Variants in HNF4G observed in about 807,000 individuals in gnomAD.
HNF4G encodes hepatocyte nuclear factor 4-gamma.
In HNF4G, 21 loss-of-function variants were observed where a neutral mutation model predicts 50.9. The observed-to-expected ratio is 0.41, with a 90% confidence interval of 0.29 to 0.59. The LOEUF is 0.59. HNF4G is among the 20% of genes least tolerant of loss of function. The pLI is 0.26. For synonymous variants in HNF4G, 198 were observed against 185.6 expected, an observed-to-expected ratio of 1.07 and a Z score of -0.54; for missense variants, 527 against 559.4, an observed-to-expected ratio of 0.94 and a Z score of 0.58.
At chr8:75,437,527 G>A (rs1405151150) in intron 1 of HNF4G, among the ~76,000 whole-genome samples, 1 of 152,076 alleles carries the variant, frequency 6.6e-6, no homozygotes, top group African/African-American at 2.4e-5. Context: ...GACAAAGGAA[G>A]AATGTTTTTT....
chr8:75,490,843 T>TA (rs1274644402), intron 2 of HNF4G, among the ~76,000 whole-genome samples: 8 of 152,214 alleles, frequency 5.3e-5, no homozygotes, highest in African/African-American at 1.9e-4. Context: ...TGAAACCATA[T>TA]ACTCACATAT....
intron 2 of HNF4G, among the ~76,000 whole-genome samples, chr8:75,514,380 T>G (rs1344742677): frequency 4.0e-5 from 6 of 149,980 alleles, no homozygotes; most frequent in South Asian, 2.1e-4. Flanking sequence ...CTTTTTTTTT[T>G]TTGTTGTTGT....
intron 1 of HNF4G, among the ~76,000 whole-genome samples, chr8:75,418,217 T>C (rs946995321): frequency 2.6e-5 from 4 of 152,148 alleles, no homozygotes; most frequent in African/African-American, 9.7e-5. Context: ...GTGCTGTCTG[T>C]GTCCTGATCT....
At position 75,422,533 on chromosome 8, in the gene HNF4G, T is replaced by C. The variant is rs192910008; in HGVS notation, c.-144+14371T>C. Among the ~76,000 whole-genome samples, 5 of 152,366 alleles carry C rather than the reference T, an allele frequency of 3.3e-5. No homozygotes were observed. In the East Asian group the frequency reaches 7.7e-4, roughly 24 times the overall value. ...TAAATATATTAACTTTGTAAGGCTA[T>C]AGATTTTAAGTTTTTTTAAATAAAG... On this transcript the variant is annotated intron_variant, in intron 1 of 10. Coordinates refer to the HNF4G transcript ENST00000354370.
intron 2 of HNF4G, among the ~76,000 whole-genome samples, chr8:75,503,410 TAGTA>T (rs1812982555): frequency 6.6e-6 from 1 of 152,158 alleles, no homozygotes; most frequent in Non-Finnish European, 1.5e-5. Flanking sequence ...TTATTACTAA[TAGTA>T]AGAGTGATAG....
rs1197542357 is a variant in HNF4G, at chr8:75,480,647, C to G, written c.-143-9442C>G. On this transcript the variant is annotated intron_variant, in intron 1 of 10. Coordinates refer to the HNF4G transcript ENST00000354370. Reference sequence around the variant, plus strand: ...TATTACTACAAAGGAAGTAAGGACTCTTCATTTTCAATCCTAATGACCTTG... The same window carrying G: ...TATTACTACAAAGGAAGTAAGGACTGTTCATTTTCAATCCTAATGACCTTG... Among the ~76,000 whole-genome samples the G allele has an allele frequency of 2.0e-5, 3 of 151,704 alleles. No homozygotes were observed. In the East Asian group the frequency reaches 5.8e-4, roughly 29 times the overall value.
chr8:75,489,948 T>C (rs1316668398), intron 1 of HNF4G: 1 of 152,248 alleles, frequency 6.6e-6, no homozygotes, highest in Non-Finnish European at 1.5e-5. Context: ...ACATTGTTAT[T>C]ATGGGTTGCT....
At chr8:75,426,864 C>T (rs1212137720) in intron 1 of HNF4G, among the ~76,000 whole-genome samples, 2 of 152,090 alleles carry the variant, frequency 1.3e-5, no homozygotes, top group African/African-American at 2.4e-5. Context: ...ATTACAGTCG[C>T]TTGTTAAAAC....
intron 1 of HNF4G, among the ~76,000 whole-genome samples, chr8:75,472,083 A>G (rs1812127895): frequency 6.6e-6 from 1 of 152,120 alleles, no homozygotes; most frequent in East Asian, 1.9e-4. Context: ...AGAGTCATAT[A>G]TCCTATTGAA....
chr8:75,528,399 T>G (rs1806238455), intron 2 of HNF4G, among the ~76,000 whole-genome samples: 1 of 152,242 alleles, frequency 6.6e-6, no homozygotes, highest in African/African-American at 2.4e-5. Flanking sequence ...AAACATATTT[T>G]CTCTACTTTT....
rs550293706 is a variant in HNF4G, at chr8:75,409,946, T to C, written c.-144+1784T>C. On this transcript the variant is annotated intron_variant, in intron 1 of 10. Coordinates refer to the HNF4G transcript ENST00000354370. ...GTTGATGTTTGGGTTTGTGTTTCTC[T>C]AATCTCTATGTGTATAACACAGACA... 3.3e-3 allele frequency among the ~76,000 whole-genome samples: 505 copies of C among 152,362 alleles called. 2 individuals carry two copies. Among genetic ancestry groups the C allele is most frequent in the Non-Finnish European group, 5.0e-3 (337 of 68,032 alleles).
intron 1 of HNF4G, among the ~76,000 whole-genome samples, chr8:75,477,765 T>C (rs563971309): frequency 4.0e-5 from 6 of 151,006 alleles, no homozygotes; most frequent in Admixed American, 2.6e-4. Context: ...GTTGGGAGTT[T>C]AAGACCAGTC....
intron 1 of HNF4G, among the ~76,000 whole-genome samples, chr8:75,451,443 T>C (rs1811582417): frequency 6.6e-6 from 1 of 152,200 alleles, no homozygotes; most frequent in Admixed American, 6.5e-5. Context: ...GCTTTTCCCC[T>C]ATGTTTTCTT....
intron 2 of HNF4G, among the ~76,000 whole-genome samples, chr8:75,534,089 A>C (rs1024331946): frequency 6.6e-6 from 1 of 151,862 alleles, no homozygotes; most frequent in Non-Finnish European, 1.5e-5. Context: ...CAAACTGATA[A>C]CTTCCTTCCC....
chr8:75,559,777 T>A (rs1420613008), intron 8 of HNF4G, among the ~76,000 whole-genome samples: 1 of 152,206 alleles, frequency 6.6e-6, no homozygotes, highest in Non-Finnish European at 1.5e-5. Flanking sequence ...TATATATATA[T>A]ACTATCTTAA....
At chr8:75,425,274 G>C (rs942881827) in intron 1 of HNF4G, among the ~76,000 whole-genome samples, 6 of 151,588 alleles carry the variant, frequency 4.0e-5, no homozygotes, top group Admixed American at 2.0e-4. Flanking sequence ...AGTGGAGACG[G>C]GGTTTCACCG....
At chr8:75,465,146 A>ATAGCCTC (rs1479129510) in intron 1 of HNF4G, among the ~76,000 whole-genome samples, 2 of 152,174 alleles carry the variant, frequency 1.3e-5, no homozygotes, top group African/African-American at 4.8e-5. Flanking sequence ...GAACTTACAG[A>ATAGCCTC]TAGCCTCATA....
At chr8:75,422,727 A>G (rs1193438422) in intron 1 of HNF4G, among the ~76,000 whole-genome samples, 1 of 150,990 alleles carries the variant, frequency 6.6e-6, no homozygotes, top group African/African-American at 2.4e-5. Context: ...TCCGCCTCCC[A>G]GGTTCACGCC....
At chr8:75,417,608 A>C (rs933022199) in intron 1 of HNF4G, among the ~76,000 whole-genome samples, 19 of 152,318 alleles carry the variant, frequency 1.2e-4, no homozygotes, top group Non-Finnish European at 2.4e-4. Flanking sequence ...TAAAGCTAAA[A>C]ATGAAATAAG....
Sources: allele counts gnomAD v4.1 joint callset (sites outside exome capture counted in the v4.1 genomes callset), GRCh38; gene constraint gnomAD v4.1.1; transcripts MANE v1.5; gene names NCBI Gene and HGNC (gene_info 2026-07-23, HGNC 2026-07-21).